The following IGDCC3 variants were observed in gnomAD, a reference collection of about 807,000 sequenced individuals.
IGDCC3 encodes immunoglobulin superfamily DCC subclass member 3.
IGDCC3 carries 47 observed loss-of-function variants against 72.0 expected under a neutral mutation model. That is an observed-to-expected ratio of 0.65 (90% CI 0.52 to 0.83). The LOEUF is 0.83. Ranked by LOEUF, IGDCC3 falls within the 40% of genes least tolerant of loss-of-function variation. The pLI is 0.00. For missense variants in IGDCC3, 1,038 were observed against 1,091.3 expected, an observed-to-expected ratio of 0.95 and a Z score of 0.69; for synonymous variants, 477 against 472.8, an observed-to-expected ratio of 1.01 and a Z score of -0.11.
chr15:65,334,681 G>A (rs745366120), intron 5 of IGDCC3, 47 bp downstream of exon 5: 10 of 1,485,160 alleles, frequency 6.7e-6, no homozygotes, highest in Admixed American at 6.7e-5. Flanking sequence ...CCCTCCCAGG[G>A]GGTGGGACAG....
intron 3 of IGDCC3, 122 bp from the exon 4 acceptor site, chr15:65,335,543 AC>A: frequency 9.4e-7 from 1 of 1,060,334 alleles, no homozygotes; most frequent in South Asian, 1.5e-5. Flanking sequence ...ACATCAGCAG[AC>A]ACACACTGGG....
At position 65,329,640 on chromosome 15, in the gene IGDCC3, G is replaced by C; in HGVS notation, c.1998-43C>G. The C allele has an allele frequency of 6.2e-7, 1 of 1,611,222 alleles. No homozygotes were observed. ...GTTGGGGGGAGGGAGAGAGAAAAGAGACAGAGGCAGTGAGCCCACACTCAC... is the reference window on the plus strand; with the variant it reads ...GTTGGGGGGAGGGAGAGAGAAAAGACACAGAGGCAGTGAGCCCACACTCAC... On this transcript the variant is annotated intron_variant, in intron 12 of 13. Coordinates refer to ENST00000327987, the MANE Select transcript of IGDCC3 (RefSeq NM_004884.4). The surrounding 1 kb of genome is among the most constrained non-coding windows in gnomAD (Gnocchi z 4.1).
Position 65,328,956 on chromosome 15 carries a change from T to C in IGDCC3, c.2398A>G (p.Arg800Gly), listed in dbSNP as rs1179397224. 1.3e-6 allele frequency: 2 copies of C among 1,583,908 alleles called. No individual in the cohort carries two copies. The highest frequency in any genetic ancestry group is 1.1e-5 in the South Asian group (1 of 86,988). The change falls in exon 14 of 14, where the codon AGG becomes GGG. Residue 800 changes from arginine (R) to glycine (G), a missense_variant. Arg to Gly is a moderately radical substitution (Grantham distance 125). Coordinates refer to ENST00000327987, the MANE Select transcript of IGDCC3 (RefSeq NM_004884.4). ...TGGGTAACCCGGGCCGCTGCAGGCC[T>C]GGAAGCCTGGCCTTCACTGAGGAGG... ...PGLLSEGQAS[R>G]PAAARVTQPA...
In IGDCC3 at chr15:65,334,951, G is replaced by A. The variant is rs1451838556; in HGVS notation, c.686-86C>T. 10 of 1,449,604 alleles carry A rather than the reference G, an allele frequency of 6.9e-6. No homozygotes were observed. The South Asian group carries it at 1.1e-4, about 16-fold the overall frequency. 89.8% of individuals were successfully genotyped at this position (1,449,604 alleles called of 1,614,324 possible). A position where few individuals can be genotyped will look rare whatever the true frequency, so the allele number is the denominator to read the frequency against. ...ACCCACAGCCCAGGACACAGCGGGT[G>A]GGAAACAAACACCAGCCCAGAAACC... is the stretch of plus-strand genomic sequence containing the variant. On this transcript the variant is annotated intron_variant, in intron 4 of 13. Coordinates refer to ENST00000327987, the MANE Select transcript of IGDCC3 (RefSeq NM_004884.4).
At position 65,329,618 on chromosome 15, in the gene IGDCC3, G is replaced by T; in HGVS notation, c.1998-21C>A. ...GGACCCTAAGGGTTAGCCAAGAGTT[G>T]GGGGGAGGGAGAGAGAAAAGAGACA... On this transcript the variant is annotated intron_variant, in intron 12 of 13. Transcript: ENST00000327987. This position sits in a 1 kb window ranked among gnomAD's most constrained non-coding sequence, Gnocchi z 4.1. The T allele has an allele frequency of 6.2e-7, 1 of 1,611,590 alleles. No homozygotes were observed. Among genetic ancestry groups the T allele is most frequent in the East Asian group, 2.2e-5 (1 of 44,858 alleles).
At chr15:65,331,891 C>A (rs761449374) in intron 7 of IGDCC3, 50 bp downstream of exon 7, 1 of 1,577,368 alleles carries the variant, frequency 6.3e-7, no homozygotes, top group East Asian at 2.2e-5. Context: ...CCAGGCCCCG[C>A]TTTCCCTGCT....
At chr15:65,353,549 C>T (rs1479572584) in intron 2 of IGDCC3, among the ~76,000 whole-genome samples, 1 of 152,064 alleles carries the variant, frequency 6.6e-6, no homozygotes, top group Non-Finnish European at 1.5e-5. Flanking sequence ...CGTGCCCGGC[C>T]TCAGATGGGT....
chr15:65,363,743 A>G (rs1037552245), intron 2 of IGDCC3, among the ~76,000 whole-genome samples: 13 of 152,090 alleles, frequency 8.5e-5, no homozygotes, highest in Non-Finnish European at 1.5e-4. Flanking sequence ...TGAATTTTCA[A>G]ACAAAGAGTA....
intron 2 of IGDCC3, among the ~76,000 whole-genome samples, chr15:65,370,036 G>A (rs978729982): frequency 1.3e-5 from 2 of 152,144 alleles, no homozygotes; most frequent in African/African-American, 2.4e-5. Context: ...GAGGCTAGGT[G>A]ACTTATTGAG....
chr15:65,345,809 C>A (rs987851192), intron 2 of IGDCC3, among the ~76,000 whole-genome samples: 1 of 152,130 alleles, frequency 6.6e-6, no homozygotes, highest in African/African-American at 2.4e-5. Context: ...ATTACTAGCC[C>A]TTCTAAGGCT....
In IGDCC3 at chr15:65,354,268, G is replaced by A. The variant is rs369987862; in HGVS notation, c.410-18312C>T. ...ACTCGCCCTGAATTTTTTCTTGAGTGAGATCAAAGAACCCTCTCTTGGGGT... is the reference window on the plus strand; with the variant it reads ...ACTCGCCCTGAATTTTTTCTTGAGTAAGATCAAAGAACCCTCTCTTGGGGT... On this transcript the variant is annotated intron_variant, in intron 2 of 13. Transcript: ENST00000327987. Among the ~76,000 whole-genome samples, 29 of 152,238 alleles carry A rather than the reference G, an allele frequency of 1.9e-4. 1 individual carries two copies. The highest frequency in any genetic ancestry group is 5.8e-4 in the African/African-American group (24 of 41,530).
In IGDCC3 at chr15:65,335,726, C is replaced by T. The variant is rs75862677; in HGVS notation, c.554+86G>A. 4,287 of 1,515,124 alleles carry T rather than the reference C, an allele frequency of 2.8e-3. 87 individuals carry two copies. In the African/African-American group the frequency reaches 0.048, roughly 17 times the overall value. The allele number at this position is 1,515,124 out of a possible 1,614,324, so 93.9% of individuals were successfully genotyped here. A position where few individuals can be genotyped will look rare whatever the true frequency, so the allele number is the denominator to read the frequency against. On this transcript the variant is annotated intron_variant, in intron 3 of 13. Transcript: ENST00000327987. Reference sequence around the variant, plus strand: ...GCACCTGTGGGCACCAACTGCAGCTCCCAGAGCCGCGGGCCATCCTTCTCT... The same window carrying T: ...GCACCTGTGGGCACCAACTGCAGCTTCCAGAGCCGCGGGCCATCCTTCTCT...
At chr15:65,345,563 C>A (rs981252453) in intron 2 of IGDCC3, among the ~76,000 whole-genome samples, 1 of 151,204 alleles carries the variant, frequency 6.6e-6, no homozygotes, top group African/African-American at 2.4e-5. Context: ...CACACGCACA[C>A]ACACACACAC....
At chr15:65,330,506 G>A (rs377414322) in intron 10 of IGDCC3, 44 bp downstream of exon 10, 102 of 1,593,722 alleles carry the variant, frequency 6.4e-5, no homozygotes, top group African/African-American at 1.9e-4. Flanking sequence ...CCTCAGCGCC[G>A]CACTCTGCCA....
intron 2 of IGDCC3, among the ~76,000 whole-genome samples, chr15:65,354,957 C>G (rs1399796332): frequency 6.6e-6 from 1 of 152,184 alleles, no homozygotes; most frequent in Non-Finnish European, 1.5e-5. Flanking sequence ...TGGTGTAGTG[C>G]TCAGGAATCG....
chr15:65,370,521 T>G (rs66935111), intron 2 of IGDCC3, among the ~76,000 whole-genome samples: 3 of 136,830 alleles, frequency 2.2e-5, no homozygotes, highest in African/African-American at 8.0e-5. Context: ...AAAAAATATA[T>G]ATATATATAT....
chr15:65,334,198 G>A (rs2091005348), intron 5 of IGDCC3, among the ~76,000 whole-genome samples: 1 of 151,934 alleles, frequency 6.6e-6, no homozygotes, highest in Admixed American at 6.6e-5. Flanking sequence ...TGACCTTTCT[G>A]CTCAGACAAT....
At chr15:65,336,291 C>T (rs892723169) in intron 2 of IGDCC3, among the ~76,000 whole-genome samples, 4 of 151,398 alleles carry the variant, frequency 2.6e-5, no homozygotes, top group African/African-American at 2.4e-5. Flanking sequence ...CCCATGAAGG[C>T]CAATCAGACA....
At chr15:65,347,028 G>C (rs780055739) in intron 2 of IGDCC3, among the ~76,000 whole-genome samples, 1 of 152,170 alleles carries the variant, frequency 6.6e-6, no homozygotes, top group African/African-American at 2.4e-5. Context: ...CAGACTGTGT[G>C]TCTCTGCCAG....
Sources: gnomAD v4.1 joint callset for allele counts (sites outside exome capture counted in the v4.1 genomes callset) on GRCh38, gnomAD v4.1.1 for gene constraint, Gnocchi (gnomAD v3.1) non-coding constraint, MANE v1.5 for transcripts, NCBI Gene and HGNC (gene_info 2026-07-23, HGNC 2026-07-21) for gene names.